Variants in TIMD4 observed in about 807,000 individuals in gnomAD.
The protein encoded by TIMD4 is T cell immunoglobulin and mucin domain containing 4, also known as T-cell immunoglobulin and mucin domain-containing protein 4.
A neutral mutation model predicts 41.2 loss-of-function variants in TIMD4; 31 were observed. That is an observed-to-expected ratio of 0.75 (90% confidence interval 0.57 to 1.01). The LOEUF (loss-of-function observed/expected upper bound fraction) is 1.01, where lower values mean the gene tolerates loss of function less well. Ranked by LOEUF, TIMD4 falls within the 50% of genes least tolerant of loss-of-function variation. The probability of loss-of-function intolerance (pLI) is 0.00; values close to 1 mark genes in which losing one functional copy is unlikely to be tolerated. For missense variants in TIMD4, 479 were observed against 472.5 expected (o/e 1.01, Z -0.13); for synonymous variants, 204 against 177.1 (o/e 1.15, Z -1.21).
chr5:156,926,238 T>C, intron 6 of TIMD4, 25 bp downstream of exon 6: 1 of 1,611,786 alleles, frequency 6.2e-7, no homozygotes, highest in Admixed American at 1.7e-5. Flanking sequence ...AGTGATATAC[T>C]GCAAATACTT....
chr5:156,920,318 C>T (rs1759211250), intron 8 of TIMD4, 146 bp downstream of exon 8: 1 of 915,380 alleles, frequency 1.1e-6, no homozygotes, highest in Non-Finnish European at 1.7e-6. Flanking sequence ...TAAATCTGCA[C>T]AACTTTTTCA....
chr5:156,926,434 C>A, intron 5 of TIMD4, 122 bp from the exon 6 acceptor site: 1 of 962,172 alleles, frequency 1.0e-6, no homozygotes, highest in East Asian at 2.8e-5. Flanking sequence ...TATTTAATCC[C>A]GTGTTTTTTG....
At chr5:156,937,084 C>A (rs1200225895) in intron 5 of TIMD4, among the ~76,000 whole-genome samples, 1 of 152,088 alleles carries the variant, frequency 6.6e-6, no homozygotes, top group Non-Finnish European at 1.5e-5. Context: ...AGCACTTTCA[C>A]ATACATTATC....
At chr5:156,958,065 A>G (rs1031648321) in intron 1 of TIMD4, among the ~76,000 whole-genome samples, 1 of 151,970 alleles carries the variant, frequency 6.6e-6, no homozygotes, top group Non-Finnish European at 1.5e-5. Flanking sequence ...TGAAGTTAGG[A>G]GTTCGAGACC....
chr5:156,928,295 TA>T (rs3068098), intron 5 of TIMD4, among the ~76,000 whole-genome samples: 11 of 146,208 alleles, frequency 7.5e-5, no homozygotes, highest in Admixed American at 6.8e-5. Context: ...AGACTCCATC[TA>T]AAAAAAAAAG....
chr5:156,922,286 G>A, intron 6 of TIMD4, 70 bp from the exon 7 acceptor site: 1 of 1,149,640 alleles, frequency 8.7e-7, no homozygotes, highest in East Asian at 2.4e-5. Context: ...TGACATCCCA[G>A]CCCAATAGCA....
At chr5:156,938,228 T>C (rs1183993649) in intron 5 of TIMD4, among the ~76,000 whole-genome samples, 1 of 152,190 alleles carries the variant, frequency 6.6e-6, no homozygotes, top group Non-Finnish European at 1.5e-5. Context: ...TTTTTAAATG[T>C]CTCTGTGCCT....
Position 156,954,629 on chromosome 5 carries a change from G to A in TIMD4, c.186C>T (p.Ser62=), listed in dbSNP as rs1759934976. Residue 62 remains serine, a synonymous_variant, in exon 2 of 9, where the codon TCC becomes TCT. Transcript: ENST00000274532. ...MCWGKDQCPY[S]GCKEALIRTD... is the part of the protein sequence containing the mutation. ...TGCGGATGAGCGCCTCCTTGCAACC[G>A]GAGTAGGGGCACTGGTCTTTCCCCC... 1.2e-6 allele frequency: 2 copies of A among 1,614,196 alleles called. No individual in the cohort carries two copies. Among genetic ancestry groups the A allele is most frequent in the South Asian group, 2.2e-5 (2 of 91,084 alleles).
chr5:156,958,001 C>G lies in TIMD4; in HGVS notation c.59-3245G>C, dbSNP rs559154285. Among the ~76,000 whole-genome samples the G allele has an allele frequency of 2.9e-3, 435 of 152,052 alleles. 1 individual carries two copies. The highest frequency in any genetic ancestry group is 0.01 in the African/African-American group (417 of 41,466). On this transcript the variant is annotated intron_variant, in intron 1 of 8. Coordinates refer to ENST00000274532, the MANE Select transcript of TIMD4 (RefSeq NM_138379.3). ...AAATAAGAAAAGATCTGGCCGGGCG[C>G]GGTGGCTCACACCTGTAATCCCAGC...
At chr5:156,961,387 TC>T (rs1157098307) in intron 1 of TIMD4, among the ~76,000 whole-genome samples, 1 of 152,148 alleles carries the variant, frequency 6.6e-6, no homozygotes, top group African/African-American at 2.4e-5. Flanking sequence ...TGGGGATATA[TC>T]CCAAAGAAAG....
At chr5:156,921,244 TGA>T (rs1759232058) in intron 7 of TIMD4, among the ~76,000 whole-genome samples, 2 of 152,130 alleles carry the variant, frequency 1.3e-5, no homozygotes. Flanking sequence ...CTTTTGCATG[TGA>T]TTTCAAAGGA....
chr5:156,958,141 G>T (rs555142486), intron 1 of TIMD4, among the ~76,000 whole-genome samples: 1 of 151,586 alleles, frequency 6.6e-6, no homozygotes, highest in Non-Finnish European at 1.5e-5. Context: ...GCGTGGTTGT[G>T]GGCGCCTGTA....
intron 1 of TIMD4, among the ~76,000 whole-genome samples, chr5:156,959,562 A>G (rs1672583082): frequency 6.6e-6 from 1 of 152,168 alleles, no homozygotes; most frequent in African/African-American, 2.4e-5. Context: ...GGTGGATACA[A>G]CCTAGGTCCT....
At chr5:156,962,708 C>T (rs1416550429) in intron 1 of TIMD4, among the ~76,000 whole-genome samples, 1 of 152,176 alleles carries the variant, frequency 6.6e-6, no homozygotes, top group Non-Finnish European at 1.5e-5. Context: ...AGAAACCTTA[C>T]ATAAAGCCTC....
At chr5:156,929,242 G>A (rs991643960) in intron 5 of TIMD4, among the ~76,000 whole-genome samples, 1 of 152,130 alleles carries the variant, frequency 6.6e-6, no homozygotes, top group African/African-American at 2.4e-5. Flanking sequence ...TGTTCCCCCA[G>A]CCCTTAGATT....
At chr5:156,960,254 T>G (rs1760054265) in intron 1 of TIMD4, among the ~76,000 whole-genome samples, 2 of 151,914 alleles carry the variant, frequency 1.3e-5, no homozygotes, top group African/African-American at 4.8e-5. Context: ...AAACTTCAAG[T>G]TTCCAGGATA....
At position 156,919,351 on chromosome 5, in the gene TIMD4, C is replaced by A; in HGVS notation, c.*106G>T. 2.0e-6 allele frequency: 2 copies of A among 1,019,162 alleles called. No homozygotes were observed. The highest frequency in any genetic ancestry group is 3.0e-6 in the Non-Finnish European group (2 of 669,288). 63.1% of individuals were successfully genotyped at this position (1,019,162 alleles called of 1,614,324 possible). A position where few individuals can be genotyped will look rare whatever the true frequency, so the allele number is the denominator to read the frequency against. ...TAAAGCAAGCCTGGATCAATGACAT[C>A]CATGGAATAAGTGAGTCTTTTTTAT... On this transcript the variant is annotated 3_prime_UTR_variant, in exon 9 of 9. Coordinates refer to ENST00000274532, the MANE Select transcript of TIMD4 (RefSeq NM_138379.3).
In TIMD4 at chr5:156,948,410, C is replaced by A; in HGVS notation, c.844+6G>T. ...AATAAAATAAAAAAAATCACAGCCC[C>A]CCTACCTCCAGGCTGAGGAGAAGAC... On this transcript the variant is annotated splice_donor_region_variant and intron_variant, in intron 5 of 8. Transcript: ENST00000274532. 7.1e-7 allele frequency: 1 copy of A among 1,398,624 alleles called. No homozygotes were observed. Among genetic ancestry groups the A allele is most frequent in the East Asian group, 2.7e-5 (1 of 37,376 alleles). 86.6% of individuals were successfully genotyped at this position (1,398,624 alleles called of 1,614,324 possible).
At chr5:156,940,879 G>A (rs1234641405) in intron 5 of TIMD4, among the ~76,000 whole-genome samples, 1 of 152,266 alleles carries the variant, frequency 6.6e-6, no homozygotes, top group Admixed American at 6.5e-5. Context: ...CAGAAAAGGG[G>A]GAAATGTGGG....
Sources: allele counts gnomAD v4.1 joint callset (sites outside exome capture counted in the v4.1 genomes callset), GRCh38; gene constraint gnomAD v4.1.1; transcripts MANE v1.5; gene names NCBI Gene and HGNC (gene_info 2026-07-23, HGNC 2026-07-21).